The following MFGE8 variants were observed in gnomAD, a reference collection of about 807,000 sequenced individuals.
MFGE8 encodes the protein lactadherin.
In MFGE8, 34 loss-of-function variants were observed where a neutral mutation model predicts 42.6. The ratio of observed to expected loss-of-function variants is 0.80; its 90% CI spans 0.61 to 1.06. The LOEUF is 1.06. Among genes scored for constraint, MFGE8 ranks in the 50% least tolerant of loss-of-function variants. MFGE8 has a pLI of 0.00. For missense variants in MFGE8, 510 were observed against 516.9 expected (o/e 0.99, Z 0.13); for synonymous variants, 230 against 214.8 (o/e 1.07, Z -0.62).
chr15:88,909,028 C>T (rs1334061232), intron 2 of MFGE8, among the ~76,000 whole-genome samples: 1 of 152,206 alleles, frequency 6.6e-6, no homozygotes. Flanking sequence ...ACCTAGGACC[C>T]CCCGCTCCAC....
At position 88,906,424 on chromosome 15, in the gene MFGE8, C is replaced by A; in HGVS notation, c.540+202G>T. Reference sequence around the variant, plus strand: ...ATTTTGAATCTCACTAGTCTCATCTCTAAAGTGGGACTATTGCTTATAAAC... The same window carrying A: ...ATTTTGAATCTCACTAGTCTCATCTATAAAGTGGGACTATTGCTTATAAAC... On this transcript the variant is annotated intron_variant, in intron 4 of 7. Coordinates refer to ENST00000268150, the MANE Select transcript of MFGE8 (RefSeq NM_005928.4). This position sits in a 1 kb window ranked among gnomAD's most constrained non-coding sequence, Gnocchi z 4.2. 1 of 626,216 alleles carries A rather than the reference C, an allele frequency of 1.6e-6. No homozygotes were observed. The highest frequency in any genetic ancestry group is 2.9e-6 in the Non-Finnish European group (1 of 344,758). 38.8% of individuals were successfully genotyped at this position (626,216 alleles called of 1,614,324 possible).
chr15:88,913,164 G>T (rs975214748), intron 1 of MFGE8, 83 bp downstream of exon 1: 42 of 1,460,532 alleles, frequency 2.9e-5, no homozygotes, highest in African/African-American at 1.0e-4. Context: ...GTCAACAGTG[G>T]AGGTGGAGGG....
Position 88,902,336 on chromosome 15 carries a change from T to G in MFGE8, c.686-601A>C, listed in dbSNP as rs1439551280. On this transcript the variant is annotated intron_variant, in intron 5 of 7. Coordinates refer to ENST00000268150, the MANE Select transcript of MFGE8 (RefSeq NM_005928.4). The surrounding 1 kb of genome is among the most constrained non-coding windows in gnomAD (Gnocchi z 4.3). ...AAAGACATTAAGCATCATGCTCAAGTCACATACAAACTCCTAATGTCACAC... is the reference window on the plus strand; with the variant it reads ...AAAGACATTAAGCATCATGCTCAAGGCACATACAAACTCCTAATGTCACAC... The G allele has an allele frequency of 6.4e-6, 1 of 156,394 alleles. No homozygotes were observed. Among genetic ancestry groups the G allele is most frequent in the African/African-American group, 2.4e-5 (1 of 41,398 alleles). The allele number at this position is 156,394 out of a possible 1,614,324, so 9.7% of individuals were successfully genotyped here. A position where few individuals can be genotyped will look rare whatever the true frequency, so the allele number is the denominator to read the frequency against.
intron 6 of MFGE8, 32 bp downstream of exon 6, chr15:88,901,519 C>T: frequency 1.6e-6 from 2 of 1,231,700 alleles, no homozygotes; most frequent in Non-Finnish European, 2.4e-6. Flanking sequence ...CCCACCCAAC[C>T]CCAGCCCCAT....
In MFGE8 at chr15:88,905,731, C is replaced by T; in HGVS notation, c.685+26G>A. The T allele has an allele frequency of 6.2e-7, 1 of 1,613,722 alleles. No homozygotes were observed. The highest frequency in any genetic ancestry group is 8.5e-7 in the Non-Finnish European group (1 of 1,179,958). ...CCTCCTAGGATTGGCCAACAGTGCCCCCCTACCCGCACCCCCAGCACTCAC... is the reference window on the plus strand; with the variant it reads ...CCTCCTAGGATTGGCCAACAGTGCCTCCCTACCCGCACCCCCAGCACTCAC... On this transcript the variant is annotated intron_variant, in intron 5 of 7. Coordinates refer to ENST00000268150, the MANE Select transcript of MFGE8 (RefSeq NM_005928.4). The surrounding 1 kb of genome is among the most constrained non-coding windows in gnomAD (Gnocchi z 6.6).
At chr15:88,901,069 A>G (rs910663399) in intron 6 of MFGE8, among the ~76,000 whole-genome samples, 1 of 124,884 alleles carries the variant, frequency 8.0e-6, no homozygotes, top group African/African-American at 2.7e-5. Flanking sequence ...ATTCACATAC[A>G]CATTCACATA....
Position 88,906,735 on chromosome 15 carries a change from T to C in MFGE8, c.431A>G (p.Gln144Arg), listed in dbSNP as rs779284094. 6.2e-7 allele frequency: 1 copy of C among 1,613,476 alleles called. No individual in the cohort carries two copies. ...RRMWVTGVVT[Q>R]GASRLASHEY... ...ATGACTGGCCAAGCGGCTGGCACCCTGCGTCACCACACCTGTTACCCACAT... is the reference window on the plus strand; with the variant it reads ...ATGACTGGCCAAGCGGCTGGCACCCCGCGTCACCACACCTGTTACCCACAT... The change falls in exon 4 of 8, where the codon CAG becomes CGG. Residue 144 changes from glutamine (Q) to arginine (R), a missense_variant. Transcript: ENST00000268150. This position sits in a 1 kb window ranked among gnomAD's most constrained non-coding sequence, Gnocchi z 4.2.
chr15:88,900,646 A>G lies in MFGE8; in HGVS notation c.871-835T>C, dbSNP rs1165013451. The G allele has an allele frequency of 3.2e-6, 3 of 934,922 alleles. No individual in the cohort carries two copies. The African/African-American group carries it at 5.3e-5, about 17-fold the overall frequency. 57.9% of individuals were successfully genotyped at this position (934,922 alleles called of 1,614,324 possible). On this transcript the variant is annotated intron_variant, in intron 6 of 7. Transcript: ENST00000268150. ...ACAGTTCCCCAACATCCAGGTGTAA[A>G]CCCAACTCACTGCCAGCCAGCAGGT...
At chr15:88,912,257 G>A (rs1337898793) in intron 1 of MFGE8, 2 of 1,289,600 alleles carry the variant, frequency 1.6e-6, no homozygotes, top group Middle Eastern at 2.1e-4. Flanking sequence ...GTTCAGGTTG[G>A]GGGGTACAGG....
At chr15:88,910,084 C>G (rs527676406) in intron 1 of MFGE8, 161 bp from the exon 2 acceptor site, 2 of 889,310 alleles carry the variant, frequency 2.2e-6, no homozygotes, top group Non-Finnish European at 3.6e-6. Flanking sequence ...AGCCTGAGTC[C>G]GCCTAGAGCC....
intron 6 of MFGE8, 34 bp downstream of exon 6, chr15:88,901,517 A>AAAACAAAAAAGCGGGCC: frequency 9.3e-7 from 1 of 1,072,616 alleles, no homozygotes; most frequent in Non-Finnish European, 1.4e-6. Context: ...ATCCCACCCA[A>AAAACAAAAAAGCGGGCC]CCCCAGCCCC....
chr15:88,908,893 C>T (rs912790821), intron 2 of MFGE8, among the ~76,000 whole-genome samples: 1 of 152,170 alleles, frequency 6.6e-6, no homozygotes, highest in Non-Finnish European at 1.5e-5. Context: ...CTGGCTCAAG[C>T]CCCCCGCCCC....
chr15:88,906,047 C>T lies in MFGE8; in HGVS notation c.541-146G>A, dbSNP rs1298173413. On this transcript the variant is annotated intron_variant, in intron 4 of 7. Coordinates refer to ENST00000268150, the MANE Select transcript of MFGE8 (RefSeq NM_005928.4). This position sits in a 1 kb window ranked among gnomAD's most constrained non-coding sequence, Gnocchi z 4.2. ...ACTTGGAAGAGCCAGCAGAGGCTCA[C>T]ACAGCAGCCTCTCCTTTGGCCACCC... The T allele has an allele frequency of 1.1e-6, 1 of 907,962 alleles. No individual in the cohort carries two copies. Among genetic ancestry groups the T allele is most frequent in the African/African-American group, 1.7e-5 (1 of 60,406 alleles). 56.2% of individuals were successfully genotyped at this position (907,962 alleles called of 1,614,324 possible). A position where few individuals can be genotyped will look rare whatever the true frequency, so the allele number is the denominator to read the frequency against.
Position 88,906,865 on chromosome 15 carries a change from A to C in MFGE8, c.388-87T>G. 1 of 1,530,376 alleles carries C rather than the reference A, an allele frequency of 6.5e-7. No homozygotes were observed. Among genetic ancestry groups the C allele is most frequent in the Non-Finnish European group, 9.0e-7 (1 of 1,108,656 alleles). 94.8% of individuals were successfully genotyped at this position (1,530,376 alleles called of 1,614,324 possible). A position where few individuals can be genotyped will look rare whatever the true frequency, so the allele number is the denominator to read the frequency against. On this transcript the variant is annotated intron_variant, in intron 3 of 7. Coordinates refer to ENST00000268150, the MANE Select transcript of MFGE8 (RefSeq NM_005928.4). The surrounding 1 kb of genome is among the most constrained non-coding windows in gnomAD (Gnocchi z 4.2). The stretch of plus-strand genomic sequence containing the variant: ...AGCAGACCCATCCCTTCACTCCCCC[A>C]CTGGGTGGGGGAACAACTCAAGCAA...
chr15:88,905,357 T>C lies in MFGE8; in HGVS notation c.685+400A>G. ...TCATCAAATATTTATTGAGTACCTA[T>C]AAACCAGACACCATTCTAGGCCCTG... On this transcript the variant is annotated intron_variant, in intron 5 of 7. Coordinates refer to ENST00000268150, the MANE Select transcript of MFGE8 (RefSeq NM_005928.4). This position sits in a 1 kb window ranked among gnomAD's most constrained non-coding sequence, Gnocchi z 6.6. The C allele has an allele frequency of 5.1e-6, 2 of 394,112 alleles. No homozygotes were observed. Among genetic ancestry groups the C allele is most frequent in the Non-Finnish European group, 9.9e-6 (2 of 202,276 alleles). 24.4% of individuals were successfully genotyped at this position (394,112 alleles called of 1,614,324 possible).
At chr15:88,901,452 G>C (rs1898424731) in intron 6 of MFGE8, 99 bp downstream of exon 6, 2 of 1,199,434 alleles carry the variant, frequency 1.7e-6, no homozygotes, top group East Asian at 4.9e-5. Flanking sequence ...CTCTTTTGGG[G>C]AGCAGAAGAG....
At chr15:88,901,314 CACAT>C (rs1195232482) in intron 6 of MFGE8, among the ~76,000 whole-genome samples, 4 of 151,918 alleles carry the variant, frequency 2.6e-5, no homozygotes, top group African/African-American at 9.7e-5. Flanking sequence ...CTCACACACA[CACAT>C]TCACACACAC....
chr15:88,901,517 A>AACCAAAAAGGCAGGAC, intron 6 of MFGE8, 34 bp downstream of exon 6: 1 of 1,072,616 alleles, frequency 9.3e-7, no homozygotes, highest in African/African-American at 1.6e-5. Context: ...ATCCCACCCA[A>AACCAAAAAGGCAGGAC]CCCCAGCCCC....
intron 6 of MFGE8, 28 bp downstream of exon 6, chr15:88,901,523 G>GC: frequency 2.3e-6 from 2 of 852,202 alleles, no homozygotes; most frequent in East Asian, 3.7e-5. Flanking sequence ...CCCAACCCCA[G>GC]CCCCATATCC....
Sources: allele counts gnomAD v4.1 joint callset (sites outside exome capture counted in the v4.1 genomes callset), GRCh38; gene constraint gnomAD v4.1.1; non-coding constraint Gnocchi (gnomAD v3.1); transcripts MANE v1.5; gene names NCBI Gene and HGNC (gene_info 2026-07-23, HGNC 2026-07-21).